GALNTL6: variants seen among roughly 807,000 people sequenced by gnomAD.
The protein encoded by GALNTL6 is polypeptide N-acetylgalactosaminyltransferase-like 6.
A neutral mutation model predicts 73.7 loss-of-function variants in GALNTL6; 46 were observed. The observed-to-expected ratio is 0.62, with a 90% CI of 0.49 to 0.80. The LOEUF (loss-of-function observed/expected upper bound fraction) is 0.80, where lower values mean the gene tolerates loss of function less well. GALNTL6 is among the 30% of genes least tolerant of loss of function. The probability of loss-of-function intolerance (pLI) is 0.00; values close to 1 mark genes in which losing one functional copy is unlikely to be tolerated. For synonymous variants in GALNTL6, 259 were observed against 263.7 expected (o/e 0.98, Z 0.17); for missense variants, 604 against 755.0 (o/e 0.80, Z 2.34).
chr4:172,840,091 A>T (rs1458099801), intron 7 of GALNTL6, among the ~76,000 whole-genome samples: 1 of 151,760 alleles, frequency 6.6e-6, no homozygotes, highest in Non-Finnish European at 1.5e-5. Flanking sequence ...TCAGCTGCAC[A>T]AAAAAAGGAA....
intron 2 of GALNTL6, among the ~76,000 whole-genome samples, chr4:172,209,986 C>T (rs1259056096): frequency 1.3e-5 from 2 of 151,988 alleles, no homozygotes; most frequent in Non-Finnish European, 2.9e-5. Context: ...CCTTTATTTA[C>T]TTAACAGTTA....
chr4:171,855,026 C>T (rs1735648797), intron 2 of GALNTL6, among the ~76,000 whole-genome samples: 1 of 152,088 alleles, frequency 6.6e-6, no homozygotes. Context: ...AGAGCACTCC[C>T]TTAATAAGTT....
At chr4:172,113,089 T>C (rs1732898830) in intron 2 of GALNTL6, among the ~76,000 whole-genome samples, 1 of 152,096 alleles carries the variant, frequency 6.6e-6, no homozygotes, top group African/African-American at 2.4e-5. Context: ...AAATTTCTTG[T>C]TAAGGGTCTT....
chr4:172,167,724 C>T (rs961204898), intron 2 of GALNTL6, among the ~76,000 whole-genome samples: 4 of 150,160 alleles, frequency 2.7e-5, no homozygotes, highest in African/African-American at 4.9e-5. Flanking sequence ...TTTGGGAGGC[C>T]GAGGCGGGTG....
At chr4:172,976,523 A>G (rs922588393) in intron 10 of GALNTL6, among the ~76,000 whole-genome samples, 1 of 152,252 alleles carries the variant, frequency 6.6e-6, no homozygotes, top group African/African-American at 2.4e-5. Flanking sequence ...TCTTTCCAGA[A>G]CATCAACTGT....
At chr4:171,983,464 T>TTTTATTTATTTATTTA (rs3081370) in intron 2 of GALNTL6, among the ~76,000 whole-genome samples, 2 of 141,072 alleles carry the variant, frequency 1.4e-5, no homozygotes, top group African/African-American at 5.3e-5. Context: ...GGCATCTTGA[T>TTTTATTTATTTATTTA]TTTATTTATT....
chr4:172,854,272 C>A (rs568689561), intron 7 of GALNTL6, among the ~76,000 whole-genome samples: 4 of 152,142 alleles, frequency 2.6e-5, no homozygotes, highest in Non-Finnish European at 4.4e-5. Flanking sequence ...ACTCGGTGGG[C>A]CTTTGGTTTG....
intron 10 of GALNTL6, among the ~76,000 whole-genome samples, chr4:172,956,217 G>A (rs1030424684): frequency 2.0e-5 from 3 of 152,168 alleles, no homozygotes; most frequent in African/African-American, 7.2e-5. Context: ...AACCTAGAGG[G>A]TGAGAGATTA....
chr4:171,876,658 A>G (rs1375077557), intron 2 of GALNTL6, among the ~76,000 whole-genome samples: 1 of 152,216 alleles, frequency 6.6e-6, no homozygotes, highest in Non-Finnish European at 1.5e-5. Flanking sequence ...GTCAACTTAG[A>G]TAGTAACCTT....
intron 3 of GALNTL6, among the ~76,000 whole-genome samples, chr4:172,294,045 G>C (rs1739572047): frequency 1.3e-5 from 2 of 150,848 alleles, no homozygotes; most frequent in Non-Finnish European, 3.0e-5. Context: ...TTATTATATA[G>C]TAAAATGCAA....
At chr4:171,890,133 C>G (rs2110925048) in intron 2 of GALNTL6, among the ~76,000 whole-genome samples, 1 of 152,190 alleles carries the variant, frequency 6.6e-6, no homozygotes, top group East Asian at 1.9e-4. Flanking sequence ...TTGTCCTACT[C>G]CATTTCCATG....
intron 8 of GALNTL6, among the ~76,000 whole-genome samples, chr4:172,921,245 A>T (rs1747773711): frequency 6.6e-6 from 1 of 152,180 alleles, no homozygotes; most frequent in Admixed American, 6.5e-5. Context: ...TTTTTTGAGA[A>T]TTTGAATTAT....
intron 5 of GALNTL6, among the ~76,000 whole-genome samples, chr4:172,408,797 T>A (rs957294008): frequency 1.2e-4 from 18 of 152,080 alleles, no homozygotes; most frequent in Non-Finnish European, 2.6e-4. Context: ...TGACACTGGC[T>A]CTACTTGGCT....
intron 2 of GALNTL6, among the ~76,000 whole-genome samples, chr4:172,049,203 G>T (rs1252786173): frequency 6.6e-6 from 1 of 151,448 alleles, no homozygotes; most frequent in Non-Finnish European, 1.5e-5. Flanking sequence ...AGTTTGATTT[G>T]TAAAATACTG....
intron 2 of GALNTL6, among the ~76,000 whole-genome samples, chr4:171,936,700 A>C (rs1272974806): frequency 6.6e-6 from 1 of 152,194 alleles, no homozygotes; most frequent in Non-Finnish European, 1.5e-5. Context: ...TTAAAAACCT[A>C]TCATGGGATG....
intron 3 of GALNTL6, among the ~76,000 whole-genome samples, chr4:172,281,444 G>A (rs1294843849): frequency 6.6e-6 from 1 of 151,644 alleles, no homozygotes; most frequent in Non-Finnish European, 1.5e-5. Context: ...CCTGTAATCC[G>A]AGCACTTTGG....
rs140589544 is a variant in GALNTL6, at chr4:171,884,359, T to C, written c.138+69641T>C. On this transcript the variant is annotated intron_variant, in intron 2 of 12. Transcript: ENST00000506823. ...ATGTTTCAGGCCTCCTTTTAAGTTC[T>C]TTACATGCATTAACTCATTTGTTCT... Among the ~76,000 whole-genome samples the C allele has an allele frequency of 6.0e-3, 918 of 152,296 alleles. 12 individuals carry two copies. Among genetic ancestry groups the C allele is most frequent in the African/African-American group, 0.021 (877 of 41,566 alleles).
At chr4:172,223,201 T>G (rs186532620) in intron 2 of GALNTL6, among the ~76,000 whole-genome samples, 5 of 152,156 alleles carry the variant, frequency 3.3e-5, no homozygotes, top group Admixed American at 3.3e-4. Flanking sequence ...CAAGGTCTAT[T>G]TTATTTTGTC....
chr4:172,209,156 T>C (rs140506159), intron 2 of GALNTL6, among the ~76,000 whole-genome samples: 1 of 152,216 alleles, frequency 6.6e-6, no homozygotes, highest in Non-Finnish European at 1.5e-5. Context: ...TAATTACTTG[T>C]GTCAAAACTC....
Sources: allele counts gnomAD v4.1 joint callset (sites outside exome capture counted in the v4.1 genomes callset), GRCh38; gene constraint gnomAD v4.1.1; transcripts MANE v1.5; gene names NCBI Gene and HGNC (gene_info 2026-07-23, HGNC 2026-07-21).